Variants in FAM149B1 observed in about 807,000 individuals in gnomAD.
FAM149B1 encodes primary cilium assembly protein FAM149B1.
Under a neutral mutation model 75.3 loss-of-function variants are expected in FAM149B1, and 56 were observed. That is an observed-to-expected ratio of 0.74 (90% CI 0.60 to 0.93). FAM149B1 has a LOEUF of 0.93. FAM149B1 is among the 40% of genes least tolerant of loss of function. The pLI, the probability that FAM149B1 is intolerant of heterozygous loss-of-function variation, is 0.00. For missense variants in FAM149B1, 639 were observed against 708.4 expected (o/e 0.90, Z 1.11); for synonymous variants, 259 against 256.1 (o/e 1.01, Z -0.11).
chr10:73,190,757 T>A (rs1410417408), intron 3 of FAM149B1, among the ~76,000 whole-genome samples: 1 of 151,312 alleles, frequency 6.6e-6, no homozygotes, highest in Non-Finnish European at 1.5e-5. Context: ...AGGTCTCACT[T>A]GGTTACCCAG....
chr10:73,217,740 A>T (rs561379897), intron 7 of FAM149B1, among the ~76,000 whole-genome samples: 34 of 152,216 alleles, frequency 2.2e-4, no homozygotes, highest in Admixed American at 9.8e-4. Context: ...ATTGGTCTGA[A>T]GCAAGTCACA....
intron 2 of FAM149B1, among the ~76,000 whole-genome samples, chr10:73,175,669 CAAAA>C (rs779685127): frequency 1.5e-5 from 1 of 64,934 alleles, no homozygotes; most frequent in Non-Finnish European, 3.6e-5. Context: ...GACTCCTTCT[CAAAA>C]AAAAAAAAAA....
chr10:73,214,941 A>G (rs568362200), intron 7 of FAM149B1, among the ~76,000 whole-genome samples: 1 of 152,140 alleles, frequency 6.6e-6, no homozygotes, highest in East Asian at 1.9e-4. Context: ...GTTTTAATCC[A>G]TCTGATTTTT....
intron 1 of FAM149B1, among the ~76,000 whole-genome samples, chr10:73,170,715 G>A (rs563629555): frequency 6.6e-6 from 1 of 152,094 alleles, no homozygotes; most frequent in South Asian, 2.1e-4. Context: ...TAGCAGTTTA[G>A]TTCCTAGTAA....
Position 73,180,862 on chromosome 10 carries a change from T to G in FAM149B1, c.282+2887T>G, listed in dbSNP as rs538659847. 4.0e-4 allele frequency among the ~76,000 whole-genome samples: 61 copies of G among 151,932 alleles called. No individual in the cohort carries two copies. In the South Asian group the frequency reaches 5.2e-3, roughly 13 times the overall value. ...TAGTAGGTCTTATTCATTCTTTCTG[T>G]TTTTTTTGTACCCAATAACCACCCC... On this transcript the variant is annotated intron_variant, in intron 3 of 13. Transcript: ENST00000242505.
At chr10:73,230,549 C>A in intron 9 of FAM149B1, 24 bp downstream of exon 9, 1 of 1,268,776 alleles carries the variant, frequency 7.9e-7, no homozygotes, top group Non-Finnish European at 1.1e-6. Flanking sequence ...CATTTTCAGA[C>A]TATACAGTGT....
Position 73,168,123 on chromosome 10 carries a change from C to T in FAM149B1, c.-217C>T, listed in dbSNP as rs1843525272. 1 of 566,692 alleles carries T rather than the reference C, an allele frequency of 1.8e-6. No homozygotes were observed. Among genetic ancestry groups the T allele is most frequent in the Non-Finnish European group, 3.1e-6 (1 of 322,914 alleles). The allele number at this position is 566,692 out of a possible 1,614,324, so 35.1% of individuals were successfully genotyped here. On this transcript the variant is annotated 5_prime_UTR_variant, in exon 1 of 14. Coordinates refer to ENST00000242505, the MANE Select transcript of FAM149B1 (RefSeq NM_173348.2). ...GAGTGTCCGGGGGCCTTCGTCACTT[C>T]CGCCCCCGCGGCAAAGCAGGGAGGT...
chr10:73,191,502 A>C (rs1476245959), intron 3 of FAM149B1, among the ~76,000 whole-genome samples: 1 of 151,734 alleles, frequency 6.6e-6, no homozygotes, highest in East Asian at 1.9e-4. Flanking sequence ...ACACCCAGCT[A>C]ATTTTTTTTA....
chr10:73,239,415 A>G (rs2043894583), intron 13 of FAM149B1, 31 bp downstream of exon 13: 5 of 1,514,316 alleles, frequency 3.3e-6, no homozygotes, highest in Admixed American at 2.0e-5. Flanking sequence ...CTTATTTACT[A>G]CTGTGTGGTT....
intron 7 of FAM149B1, among the ~76,000 whole-genome samples, chr10:73,216,386 A>G (rs2043299718): frequency 6.6e-6 from 1 of 151,934 alleles, no homozygotes; most frequent in African/African-American, 2.4e-5. Context: ...CATTTAATGC[A>G]TTTACATTCA....
At chr10:73,240,864 G>A (rs2043934233) in intron 13 of FAM149B1, 82 bp from the exon 14 acceptor site, 5 of 817,044 alleles carry the variant, frequency 6.1e-6, no homozygotes, top group African/African-American at 3.6e-5. Flanking sequence ...CATAATTGGA[G>A]CAAAAAAGCC....
chr10:73,208,855 A>G (rs1479491059), intron 6 of FAM149B1, 69 bp downstream of exon 6: 21 of 972,874 alleles, frequency 2.2e-5, no homozygotes, highest in Non-Finnish European at 2.9e-5. Context: ...TTTTTTCTAA[A>G]TGATGCTACC....
chr10:73,179,847 C>T (rs1226138328), intron 3 of FAM149B1, among the ~76,000 whole-genome samples: 1 of 151,994 alleles, frequency 6.6e-6, no homozygotes, highest in Non-Finnish European at 1.5e-5. Flanking sequence ...TTTATATAGA[C>T]ATTTACTACT....
intron 8 of FAM149B1, chr10:73,230,146 C>T: frequency 3.3e-6 from 1 of 307,032 alleles, no homozygotes; most frequent in Middle Eastern, 1.0e-3. Flanking sequence ...AATAAAGGTC[C>T]TCACTCCCTG....
At position 73,177,862 on chromosome 10, in the gene FAM149B1, A is replaced by G; in HGVS notation, c.169A>G (p.Arg57Gly). 2.6e-6 allele frequency: 4 copies of G among 1,551,702 alleles called. No homozygotes were observed. The highest frequency in any genetic ancestry group is 3.5e-6 in the Non-Finnish European group (4 of 1,146,922). ...TGCCTTTAGCAAGTCTGACATCACA[A>G]GAGAATCATCTTTTACATCAGCCGA... ...TSSQSKSDITRESSFTSADTG... is the reference protein window; with the variant it reads ...TSSQSKSDITGESSFTSADTG... Residue 57 changes from arginine (R) to glycine (G), a missense_variant, in exon 3 of 14, where the codon AGA (arginine) becomes GGA (glycine). Arg to Gly is a moderately radical substitution (Grantham distance 125). Transcript: ENST00000242505.
chr10:73,223,716 A>G (rs1270008390), intron 7 of FAM149B1, among the ~76,000 whole-genome samples: 2 of 147,192 alleles, frequency 1.4e-5, no homozygotes, highest in Non-Finnish European at 3.0e-5. Context: ...TTAAGCCACT[A>G]TGTTGTATGT....
At chr10:73,231,699 T>C (rs974618092) in intron 9 of FAM149B1, among the ~76,000 whole-genome samples, 3 of 152,172 alleles carry the variant, frequency 2.0e-5, no homozygotes, top group African/African-American at 4.8e-5. Flanking sequence ...GATTTCAAGC[T>C]TGAGGGAAGC....
intron 7 of FAM149B1, among the ~76,000 whole-genome samples, chr10:73,212,247 C>A (rs368353741): frequency 1.3e-5 from 2 of 152,076 alleles, no homozygotes; most frequent in South Asian, 2.1e-4. Flanking sequence ...TCTTTGCTAC[C>A]GTGAATAATG....
Position 73,233,092 on chromosome 10 carries a change from T to G in FAM149B1, c.1281T>G (p.His427Gln). Residue 427 changes from histidine to glutamine, a missense_variant, in exon 10 of 14, where the codon CAT becomes CAG. By Grantham distance (24) the His-to-Gln change is conservative. Coordinates refer to ENST00000242505, the MANE Select transcript of FAM149B1 (RefSeq NM_173348.2). ...RRRNPPPRTL[H>Q]PISTSHSCAE... Reference sequence around the variant, plus strand: ...GCAATCCACCACCACGAACTCTTCATCCGATCAGCACGAGCCATTCATGTG... The same window carrying G: ...GCAATCCACCACCACGAACTCTTCAGCCGATCAGCACGAGCCATTCATGTG... The G allele has an allele frequency of 6.4e-7, 1 of 1,551,638 alleles. No homozygotes were observed. Among genetic ancestry groups the G allele is most frequent in the Non-Finnish European group, 8.7e-7 (1 of 1,146,990 alleles).
Sources: gnomAD v4.1 joint callset for allele counts (sites outside exome capture counted in the v4.1 genomes callset) on GRCh38, gnomAD v4.1.1 for gene constraint, MANE v1.5 for transcripts, NCBI Gene and HGNC (gene_info 2026-07-23, HGNC 2026-07-21) for gene names.